RGS13: variants seen among roughly 807,000 people sequenced by gnomAD.
The protein encoded by RGS13 is regulator of G-protein signalling 13.
A neutral mutation model predicts 19.9 loss-of-function variants in RGS13; 14 were observed. The ratio of observed to expected loss-of-function variants is 0.70; its 90% CI spans 0.46 to 1.10. The LOEUF (loss-of-function observed/expected upper bound fraction) is 1.10. RGS13 is among the 50% of genes least tolerant of loss of function. The pLI is 0.00. For synonymous variants in RGS13, 60 were observed against 56.8 expected, an observed-to-expected ratio of 1.06 and a Z score of -0.25; for missense variants, 205 against 187.1, an observed-to-expected ratio of 1.10 and a Z score of -0.56.
At chr1:192,648,070 G>A in intron 5 of RGS13, 83 bp downstream of exon 5, 1 of 924,104 alleles carries the variant, frequency 1.1e-6, no homozygotes, top group Non-Finnish European at 1.7e-6. Flanking sequence ...GATGATGAAT[G>A]TATGCTATTC....
chr1:192,648,149 C>T (rs1309028642), intron 5 of RGS13, among the ~76,000 whole-genome samples, 162 bp downstream of exon 5: 2 of 152,134 alleles, frequency 1.3e-5, no homozygotes, highest in African/African-American at 4.8e-5. Flanking sequence ...TTTGTTATGT[C>T]AACCACTATT....
chr1:192,653,744 G>A (rs1663384869), intron 5 of RGS13, among the ~76,000 whole-genome samples: 1 of 152,074 alleles, frequency 6.6e-6, no homozygotes, highest in African/African-American at 2.4e-5. Flanking sequence ...ATTCCAGTGT[G>A]TATCTGTGTT....
At chr1:192,646,278 TTAAC>T (rs1663218722) in intron 4 of RGS13, 1 of 152,164 alleles carries the variant, frequency 6.6e-6, no homozygotes, top group Admixed American at 6.6e-5. Context: ...TTTAATCTCT[TTAAC>T]TAATCCTCCT....
intron 5 of RGS13, among the ~76,000 whole-genome samples, chr1:192,648,196 T>C (rs911407662): frequency 6.6e-5 from 10 of 152,210 alleles, no homozygotes; most frequent in African/African-American, 2.4e-4. Context: ...GATTAGTCAC[T>C]GTGAATATTC....
intron 3 of RGS13, among the ~76,000 whole-genome samples, chr1:192,640,709 T>C (rs1188946683): frequency 1.9e-5 from 1 of 52,010 alleles, no homozygotes; most frequent in Admixed American, 1.8e-4. Flanking sequence ...GAAAATGAAG[T>C]TGATCAGACC....
At chr1:192,639,135 A>C (rs1474153977) in intron 3 of RGS13, among the ~76,000 whole-genome samples, 1 of 152,112 alleles carries the variant, frequency 6.6e-6, no homozygotes, top group Non-Finnish European at 1.5e-5. Context: ...TGGAATTATT[A>C]AAAAGTAGCC....
intron 5 of RGS13, among the ~76,000 whole-genome samples, chr1:192,657,754 T>C (rs760543768): frequency 1.4e-4 from 22 of 152,136 alleles, no homozygotes; most frequent in Non-Finnish European, 2.5e-4. Context: ...CTTACATGGC[T>C]TGGATATTTT....
At chr1:192,657,749 A>G (rs1367531305) in intron 5 of RGS13, among the ~76,000 whole-genome samples, 2 of 152,134 alleles carry the variant, frequency 1.3e-5, no homozygotes, top group East Asian at 3.9e-4. Flanking sequence ...TCACTCTTAC[A>G]TGGCTTGGAT....
intron 4 of RGS13, chr1:192,647,265 A>G (rs1663239175): frequency 6.6e-6 from 1 of 152,156 alleles, no homozygotes; most frequent in Non-Finnish European, 1.5e-5. Flanking sequence ...TGCCTCTTTT[A>G]ACCAACTTTG....
intron 5 of RGS13, among the ~76,000 whole-genome samples, chr1:192,650,561 G>C (rs1211355943): frequency 6.6e-6 from 1 of 151,956 alleles, no homozygotes; most frequent in African/African-American, 2.4e-5. Context: ...ACATGAAAAA[G>C]AAATATATCA....
chr1:192,643,756 C>T (rs774435670), intron 3 of RGS13, among the ~76,000 whole-genome samples: 1 of 152,048 alleles, frequency 6.6e-6, no homozygotes, highest in Non-Finnish European at 1.5e-5. Context: ...TTGAGACCAA[C>T]CTGGGCAATG....
intron 3 of RGS13, among the ~76,000 whole-genome samples, chr1:192,643,473 AT>A (rs1663161328): frequency 6.6e-6 from 1 of 152,224 alleles, no homozygotes; most frequent in East Asian, 1.9e-4. Flanking sequence ...GGTGCCTGAG[AT>A]GAATAAACTC....
chr1:192,642,839 A>G (rs74498481), intron 3 of RGS13, among the ~76,000 whole-genome samples: 2,674 of 151,896 alleles, frequency 0.018, 71 homozygotes, highest in African/African-American at 0.059. Flanking sequence ...CCAAGTCCCC[A>G]TCACATTTCG....
chr1:192,639,459 G>A (rs940731219), intron 3 of RGS13, among the ~76,000 whole-genome samples: 23 of 151,990 alleles, frequency 1.5e-4, no homozygotes, highest in South Asian at 6.2e-4. Flanking sequence ...GTGAACAATC[G>A]AAATATAGAA....
chr1:192,644,973 A>G (rs1663189781), intron 4 of RGS13: 1 of 152,454 alleles, frequency 6.6e-6, no homozygotes, highest in South Asian at 2.1e-4. Context: ...AGTGCCTAAC[A>G]TAGTCCATGT....
intron 5 of RGS13, among the ~76,000 whole-genome samples, chr1:192,657,413 C>A (rs891730148): frequency 6.6e-6 from 1 of 152,044 alleles, no homozygotes; most frequent in African/African-American, 2.4e-5. Flanking sequence ...AATATTACTA[C>A]CTACAAAGTA....
At chr1:192,656,358 T>C (rs1385888561) in intron 5 of RGS13, among the ~76,000 whole-genome samples, 1 of 151,632 alleles carries the variant, frequency 6.6e-6, no homozygotes, top group Non-Finnish European at 1.5e-5. Context: ...TTTTTTTTTT[T>C]ATTTGTTCAT....
chr1:192,649,860 A>AGTT (rs1380592829), intron 5 of RGS13, among the ~76,000 whole-genome samples: 1 of 152,128 alleles, frequency 6.6e-6, no homozygotes, highest in African/African-American at 2.4e-5. Context: ...TAGTATTAAC[A>AGTT]TTTATTCTGC....
intron 5 of RGS13, among the ~76,000 whole-genome samples, chr1:192,655,724 G>A (rs1663425785): frequency 6.6e-6 from 1 of 151,918 alleles, no homozygotes; most frequent in Non-Finnish European, 1.5e-5. Context: ...ATTTTTAATA[G>A]TATATATAGA....
Sources: allele counts gnomAD v4.1 joint callset (sites outside exome capture counted in the v4.1 genomes callset), GRCh38; gene constraint gnomAD v4.1.1; transcripts MANE v1.5; gene names NCBI Gene and HGNC (gene_info 2026-07-23, HGNC 2026-07-21).